The following ZNF814 variants were observed in gnomAD, a reference collection of about 807,000 sequenced individuals.
ZNF814 encodes zinc finger protein 814.
In ZNF814, 5 loss-of-function variants were observed where a neutral mutation model predicts 7.5. That is an observed-to-expected ratio of 0.67 (90% CI 0.35 to 1.40). The LOEUF is 1.40. Ranked by LOEUF, ZNF814 falls within the 40% of genes most tolerant of loss-of-function variation. ZNF814 has a pLI of 0.04. For missense variants in ZNF814, 962 were observed against 1,018.0 expected (o/e 0.94, Z 0.75); for synonymous variants, 315 against 340.7 (o/e 0.92, Z 0.83).
chr19:57,887,601 C>T (rs1388404453), intron 1 of ZNF814, among the ~76,000 whole-genome samples: 1 of 152,210 alleles, frequency 6.6e-6, no homozygotes, highest in African/African-American at 2.4e-5. Flanking sequence ...CATGAATAGA[C>T]TCTCGCTTAG....
the ZNF814 span, among the ~76,000 whole-genome samples, chr19:57,895,493 C>G: frequency 2.0e-5 from 3 of 152,086 alleles, no homozygotes; most frequent in Middle Eastern, 6.8e-3. Flanking sequence ...CCAGGCTGGT[C>G]TCGAACTCCT....
At position 57,872,085 on chromosome 19, in the gene ZNF814, G is replaced by C. The variant is rs558071867; in HGVS notation, c.*737C>G. On this transcript the variant is annotated 3_prime_UTR_variant, in exon 3 of 3. Coordinates refer to ENST00000435989, the MANE Select transcript of ZNF814 (RefSeq NM_001144989.2). Reference sequence around the variant, plus strand: ...CACACCACTGCACGCCATCCTGAGCGACACAGTGACAACCTGTCTCAAAAA... The same window carrying C: ...CACACCACTGCACGCCATCCTGAGCCACACAGTGACAACCTGTCTCAAAAA... 1.3e-5 allele frequency among the ~76,000 whole-genome samples: 2 copies of C among 152,242 alleles called. No homozygotes were observed. Among genetic ancestry groups the C allele is most frequent in the Admixed American group, 6.5e-5 (1 of 15,286 alleles).
At chr19:57,899,092 G>A in the ZNF814 span, among the ~76,000 whole-genome samples, 5 of 151,958 alleles carry the variant, frequency 3.3e-5, no homozygotes, top group Non-Finnish European at 5.9e-5. Flanking sequence ...CTCTAATATT[G>A]CTTATTTACC....
Position 57,876,905 on chromosome 19 carries a change from G to A in ZNF814, c.163+11C>T. On this transcript the variant is annotated intron_variant, in intron 2 of 2. Coordinates refer to ENST00000435989, the MANE Select transcript of ZNF814 (RefSeq NM_001144989.2). The stretch of plus-strand genomic sequence containing the variant: ...CTAGCTCAGGTCACAGGGTGAGTGT[G>A]AGCAACTTACCCAGGGAGGATATAA... 6.2e-7 allele frequency: 1 copy of A among 1,614,016 alleles called. No individual in the cohort carries two copies. The highest frequency in any genetic ancestry group is 1.1e-5 in the South Asian group (1 of 91,072).
At chr19:57,883,202 CAAA>C (rs1488434046) in intron 1 of ZNF814, among the ~76,000 whole-genome samples, 2 of 151,488 alleles carry the variant, frequency 1.3e-5, no homozygotes, top group African/African-American at 4.9e-5. Flanking sequence ...ACTAAAAATA[CAAA>C]AAATTAGCCA....
chr19:57,878,872 G>A (rs1320224390), intron 1 of ZNF814, among the ~76,000 whole-genome samples: 2 of 152,122 alleles, frequency 1.3e-5, no homozygotes, highest in African/African-American at 2.4e-5. Flanking sequence ...TTCAAGAGCA[G>A]CCTGGACAAC....
chr19:57,873,574 A>G lies in ZNF814; in HGVS notation c.1816T>C (p.Cys606Arg). 6.2e-7 allele frequency: 1 copy of G among 1,613,980 alleles called. No individual in the cohort carries two copies. Among genetic ancestry groups the G allele is most frequent in the Non-Finnish European group, 8.5e-7 (1 of 1,179,994 alleles). The change falls in exon 3 of 3, where the codon TGT (cysteine) becomes CGT (arginine). Residue 606 changes from cysteine (C) to arginine (R), a missense_variant. This residue lies in a region of ZNF814 where 665 missense variants were observed against 551.4 expected (regional missense o/e 1.21). Coordinates refer to ENST00000435989, the MANE Select transcript of ZNF814 (RefSeq NM_001144989.2). ...CTAAAAGATTTCCCACATTCTCCAC[A>G]CTCATAAGGCCTCTCTCCAGTATGA... is the stretch of plus-strand genomic sequence containing the variant. The part of the protein sequence containing the change: ...RVHTGERPYE[C>R]GECGKSFSHK...
rs759755372 is a variant in ZNF814 at position 57,888,849 on chromosome 19, C to T, written c.-47G>A. On this transcript the variant is annotated 5_prime_UTR_variant, in exon 1 of 3. Coordinates refer to ENST00000435989, the MANE Select transcript of ZNF814 (RefSeq NM_001144989.2). ...GAGTCGGGAGGATAGGGCGACCAGC[C>T]AGGAGATATGGGCACGACGGTCCGT... 6.5e-7 allele frequency: 1 copy of T among 1,549,818 alleles called. No individual in the cohort carries two copies.
At chr19:57,897,017 C>T in the ZNF814 span, among the ~76,000 whole-genome samples, 2 of 152,116 alleles carry the variant, frequency 1.3e-5, no homozygotes, top group Non-Finnish European at 2.9e-5. Flanking sequence ...TGCTTACGGG[C>T]ATGTGACAGA....
chr19:57,905,090 C>T, the ZNF814 span, among the ~76,000 whole-genome samples: 1 of 141,106 alleles, frequency 7.1e-6, no homozygotes, highest in African/African-American at 2.6e-5. Context: ...CATGAAGAAT[C>T]CTCGAATGTT....
chr19:57,890,568 T>C (rs574947015), upstream of ZNF814, among the ~76,000 whole-genome samples: 5 of 152,126 alleles, frequency 3.3e-5, no homozygotes, highest in African/African-American at 1.2e-4. Flanking sequence ...TTGTGCTGAG[T>C]GGGTTCTGGG....
At chr19:57,902,653 A>AT in the ZNF814 span, among the ~76,000 whole-genome samples, 1 of 151,784 alleles carries the variant, frequency 6.6e-6, no homozygotes, top group Non-Finnish European at 1.5e-5. Flanking sequence ...GCAGTAGGAA[A>AT]TATTACTCTT....
chr19:57,887,836 GTGCCCATATCTAA>G (rs1268315573), intron 1 of ZNF814, among the ~76,000 whole-genome samples: 1 of 152,202 alleles, frequency 6.6e-6, no homozygotes, highest in Non-Finnish European at 1.5e-5. Context: ...GTCTGGCGTA[GTGCCCATATCTAA>G]CTCTTATGAA....
intron 1 of ZNF814, among the ~76,000 whole-genome samples, chr19:57,885,663 T>C (rs1390548269): frequency 7.1e-6 from 1 of 141,670 alleles, no homozygotes; most frequent in Non-Finnish European, 1.5e-5. Flanking sequence ...AAGAATAAGA[T>C]CTAGAAAAAG....
the ZNF814 span, among the ~76,000 whole-genome samples, chr19:57,902,445 C>T: frequency 6.6e-6 from 1 of 152,026 alleles, no homozygotes; most frequent in Admixed American, 6.6e-5. Flanking sequence ...CACCCCTATT[C>T]CAAAAATGAT....
At chr19:57,876,061 GCA>G (rs2071605222) in intron 2 of ZNF814, among the ~76,000 whole-genome samples, 1 of 143,664 alleles carries the variant, frequency 7.0e-6, no homozygotes, top group Non-Finnish European at 1.5e-5. Context: ...CTGGGTTCAA[GCA>G]ATTCTCTGCC....
chr19:57,874,165 CATA>C lies in ZNF814; in HGVS notation c.1222_1224del (p.Tyr408del), dbSNP rs200607098. On this transcript the variant is annotated inframe_deletion, in exon 3 of 3. Transcript: ENST00000435989. ...AAGGATTTCCCACATTCTCCACATT[CATA>C]ATGTTTTTTGTCAGTGTGAACTCTC... 2.1e-3 allele frequency: 3,348 copies of C among 1,590,538 alleles called. 46 individuals carry two copies. In the African/African-American group the frequency reaches 0.038, roughly 18 times the overall value.
In ZNF814 at chr19:57,873,216, A is replaced by G; in HGVS notation, c.2174T>C (p.Phe725Ser). The G allele has an allele frequency of 6.2e-7, 1 of 1,611,848 alleles. No homozygotes were observed. The highest frequency in any genetic ancestry group is 8.5e-7 in the Non-Finnish European group (1 of 1,179,150). Residue 725 changes from phenylalanine (F) to serine (S), a missense_variant, in exon 3 of 3, where the codon TTT (phenylalanine) becomes TCT (serine). Transcript: ENST00000435989. Reference sequence around the variant, plus strand: ...TGCAATGAGTTGGTACTTGTTTCTAAAAAATTTCTGACAAGCTTCACAAGC... The same window carrying G: ...TGCAATGAGTTGGTACTTGTTTCTAGAAAATTTCTGACAAGCTTCACAAGC... ...PYACEACQKF[F>S]RNKYQLIAHQ...
intron 1 of ZNF814, among the ~76,000 whole-genome samples, chr19:57,886,986 G>C (rs2122468652): frequency 6.7e-6 from 1 of 149,102 alleles, no homozygotes; most frequent in Admixed American, 6.7e-5. Flanking sequence ...TCGGGAGTTT[G>C]AGACCAGCCT....
Sources: allele counts gnomAD v4.1 joint callset (sites outside exome capture counted in the v4.1 genomes callset), GRCh38; gene constraint gnomAD v4.1.1; regional missense constraint gnomAD v4.1.1; transcripts MANE v1.5; gene names NCBI Gene and HGNC (gene_info 2026-07-23, HGNC 2026-07-21).